TMEFF2: variants seen among roughly 807,000 people sequenced by gnomAD.
TMEFF2 encodes transmembrane protein with EGF like and two follistatin like domains 2, also known as tomoregulin-2.
In TMEFF2, 28 loss-of-function variants were observed where a neutral mutation model predicts 53.8. That is an observed-to-expected ratio of 0.52 (90% confidence interval 0.39 to 0.71). The LOEUF is 0.71. Ranked by LOEUF, TMEFF2 falls within the 30% of genes least tolerant of loss-of-function variation. The pLI, the probability that TMEFF2 is intolerant of heterozygous loss-of-function variation, is 0.00. For missense variants in TMEFF2, 353 were observed against 455.2 expected (o/e 0.78, Z 2.04); for synonymous variants, 162 against 166.3 (o/e 0.97, Z 0.20).
intron 4 of TMEFF2, among the ~76,000 whole-genome samples, chr2:192,076,883 G>A (rs1328292406): frequency 2.0e-5 from 3 of 152,130 alleles, no homozygotes; most frequent in Non-Finnish European, 4.4e-5. Context: ...ATTAAAGTGG[G>A]AGTGAAGATC....
At chr2:192,193,804 A>AGG (rs1333652661) in intron 1 of TMEFF2, among the ~76,000 whole-genome samples, 9 of 147,528 alleles carry the variant, frequency 6.1e-5, no homozygotes, top group African/African-American at 1.5e-4. Context: ...AGAGAGAGAG[A>AGG]GAGAAATTCT....
In TMEFF2 at chr2:192,041,284, G is replaced by A. The variant is rs181976963; in HGVS notation, c.536+16395C>T. ...CAGCTCAATAACAAATAGACAAATC[G>A]CTGAATTTAAGAATAGACAAATGAT... On this transcript the variant is annotated intron_variant, in intron 5 of 9. Transcript: ENST00000272771. 1.4e-4 allele frequency among the ~76,000 whole-genome samples: 22 copies of A among 152,090 alleles called. No individual in the cohort carries two copies. The South Asian group carries it at 2.1e-3, about 14-fold the overall frequency.
intron 7 of TMEFF2, among the ~76,000 whole-genome samples, chr2:191,992,469 C>T (rs956864062): frequency 4.6e-5 from 7 of 152,024 alleles, no homozygotes; most frequent in African/African-American, 1.7e-4. Flanking sequence ...CCTATTTACA[C>T]AGGTAGGCAG....
At chr2:192,049,226 G>A (rs1239036647) in intron 5 of TMEFF2, among the ~76,000 whole-genome samples, 1 of 152,100 alleles carries the variant, frequency 6.6e-6, no homozygotes, top group Non-Finnish European at 1.5e-5. Flanking sequence ...AGAAGACCCT[G>A]AGTGGTAGTT....
intron 4 of TMEFF2, among the ~76,000 whole-genome samples, chr2:192,065,658 T>C (rs373631994): frequency 8.6e-5 from 13 of 151,736 alleles, no homozygotes; most frequent in East Asian, 7.7e-4. Flanking sequence ...TTTTACTTTA[T>C]TTACATAAAT....
At chr2:192,047,296 T>A (rs1687647499) in intron 5 of TMEFF2, among the ~76,000 whole-genome samples, 1 of 152,244 alleles carries the variant, frequency 6.6e-6, no homozygotes, top group African/African-American at 2.4e-5. Flanking sequence ...ATTTTATTTC[T>A]TATTTTTGCC....
chr2:192,144,657 A>C (rs1690209346), intron 4 of TMEFF2, among the ~76,000 whole-genome samples: 2 of 152,058 alleles, frequency 1.3e-5, no homozygotes, highest in African/African-American at 2.4e-5. Flanking sequence ...AATGAGCAAA[A>C]GCAAATGACA....
Position 192,044,898 on chromosome 2 carries a change from C to T in TMEFF2, c.536+12781G>A, listed in dbSNP as rs543425700. On this transcript the variant is annotated intron_variant, in intron 5 of 9. Transcript: ENST00000272771. ...ACCATGAACTGAGTGTTGTCTTACT[C>T]GCAAAGCCATGAAGTTGGGCATGCA... 5.3e-5 allele frequency among the ~76,000 whole-genome samples: 8 copies of T among 152,236 alleles called. No individual in the cohort carries two copies. In the East Asian group the frequency reaches 5.8e-4, roughly 11 times the overall value.
intron 4 of TMEFF2, among the ~76,000 whole-genome samples, chr2:192,174,399 A>C (rs978254139): frequency 1.3e-5 from 2 of 151,686 alleles, no homozygotes; most frequent in African/African-American, 4.8e-5. Context: ...ATTTTCCATC[A>C]TTCTCACTTT....
At chr2:192,085,722 A>AC (rs1553519472) in intron 4 of TMEFF2, among the ~76,000 whole-genome samples, 6 of 151,576 alleles carry the variant, frequency 4.0e-5, no homozygotes, top group African/African-American at 1.2e-4. Flanking sequence ...AAAAAAAAAA[A>AC]CCACAAAAGA....
Position 192,194,786 on chromosome 2 carries a change from A to C in TMEFF2, c.-262T>G. Reference sequence around the variant, plus strand: ...CGGAGACGCGGGAAGCTGCTGCCATAAGGAGGGAGCTCTGGGAAGCCGGAG... The same window carrying C: ...CGGAGACGCGGGAAGCTGCTGCCATCAGGAGGGAGCTCTGGGAAGCCGGAG... On this transcript the variant is annotated 5_prime_UTR_variant, in exon 1 of 10. Transcript: ENST00000272771. The surrounding 1 kb of genome is among the most constrained non-coding windows in gnomAD (Gnocchi z 4.2). 2.0e-6 allele frequency: 1 copy of C among 505,868 alleles called. No individual in the cohort carries two copies. Among genetic ancestry groups the C allele is most frequent in the Non-Finnish European group, 3.6e-6 (1 of 279,106 alleles). The allele number at this position is 505,868 out of a possible 1,614,324, so 31.3% of individuals were successfully genotyped here.
intron 5 of TMEFF2, among the ~76,000 whole-genome samples, chr2:192,011,892 A>G (rs917348529): frequency 1.3e-5 from 2 of 151,948 alleles, no homozygotes; most frequent in East Asian, 3.9e-4. Flanking sequence ...TTTACATATT[A>G]TCTTTTTTTT....
intron 5 of TMEFF2, among the ~76,000 whole-genome samples, chr2:192,015,902 C>A (rs1031181311): frequency 6.6e-6 from 1 of 152,072 alleles, no homozygotes; most frequent in Admixed American, 6.5e-5. Context: ...TCACTGTCAG[C>A]CTAAACTAAC....
At chr2:191,973,395 G>A (rs949211697) in intron 7 of TMEFF2, among the ~76,000 whole-genome samples, 3 of 151,972 alleles carry the variant, frequency 2.0e-5, no homozygotes, top group African/African-American at 4.8e-5. Context: ...TTAAGAACAT[G>A]AATACATATT....
chr2:192,166,087 T>C (rs1004028745), intron 4 of TMEFF2, among the ~76,000 whole-genome samples: 7 of 152,138 alleles, frequency 4.6e-5, no homozygotes, highest in African/African-American at 1.7e-4. Flanking sequence ...AGTGGGAGTA[T>C]AGGTGTGTTG....
At chr2:192,127,652 C>A (rs544369891) in intron 4 of TMEFF2, among the ~76,000 whole-genome samples, 1 of 142,890 alleles carries the variant, frequency 7.0e-6, no homozygotes, top group Non-Finnish European at 1.5e-5. Context: ...TGTCTAAAGT[C>A]AAAAATTGAG....
intron 4 of TMEFF2, among the ~76,000 whole-genome samples, chr2:192,166,329 C>T (rs917216004): frequency 6.6e-6 from 1 of 152,028 alleles, no homozygotes; most frequent in Non-Finnish European, 1.5e-5. Context: ...ACCATGGCAG[C>T]CTCAAAACTC....
At chr2:192,044,662 G>C (rs1452541899) in intron 5 of TMEFF2, 2 of 152,262 alleles carry the variant, frequency 1.3e-5, no homozygotes, top group African/African-American at 4.8e-5. Flanking sequence ...TGAAGTGTCA[G>C]TGGTAGACAG....
chr2:192,128,300 A>G (rs1372806799), intron 4 of TMEFF2, among the ~76,000 whole-genome samples: 3 of 152,232 alleles, frequency 2.0e-5, no homozygotes, highest in African/African-American at 7.2e-5. Context: ...TGAGGTAACA[A>G]ATCAGCATTA....
Sources: allele counts gnomAD v4.1 joint callset (sites outside exome capture counted in the v4.1 genomes callset), GRCh38; gene constraint gnomAD v4.1.1; non-coding constraint Gnocchi (gnomAD v3.1); transcripts MANE v1.5; gene names NCBI Gene and HGNC (gene_info 2026-07-23, HGNC 2026-07-21).